Variants in LYRM7 observed in about 807,000 individuals in gnomAD.
The protein encoded by LYRM7 is complex III assembly factor LYRM7.
In LYRM7, 9 loss-of-function variants were observed where a neutral mutation model predicts 15.8. That is an observed-to-expected ratio of 0.57 (90% CI 0.34 to 0.99). LYRM7 has a LOEUF of 0.99. LYRM7 is among the 50% of genes least tolerant of loss of function. LYRM7 has a pLI of 0.02. For missense variants in LYRM7, 115 were observed against 119.1 expected, an observed-to-expected ratio of 0.97 and a Z score of 0.16; for synonymous variants, 39 against 39.4, an observed-to-expected ratio of 0.99 and a Z score of 0.04.
chr5:131,171,167 C>A lies in LYRM7; in HGVS notation c.18+129C>A, dbSNP rs1755514944. The stretch of plus-strand genomic sequence containing the variant: ...TTTATGGAGGATGTGGCTGTTACCC[C>A]AGAGAAGCCAGATGACCAACTCCTA... On this transcript the variant is annotated intron_variant, in intron 1 of 4. Coordinates refer to ENST00000379380, the MANE Select transcript of LYRM7 (RefSeq NM_181705.4). 5 of 962,570 alleles carry A rather than the reference C, an allele frequency of 5.2e-6. No homozygotes were observed. In the African/African-American group the frequency reaches 8.8e-5, roughly 17 times the overall value. 59.6% of individuals were successfully genotyped at this position (962,570 alleles called of 1,614,324 possible). A position where few individuals can be genotyped will look rare whatever the true frequency, so the allele number is the denominator to read the frequency against.
chr5:131,182,135 G>A (rs1403247513), intron 2 of LYRM7, 94 bp from the exon 3 acceptor site: 2 of 1,101,586 alleles, frequency 1.8e-6, no homozygotes, highest in Admixed American at 3.9e-5. Flanking sequence ...CTATAGTAGA[G>A]AAGTAGCCAT....
Position 131,205,148 on chromosome 5 carries a change from C to T in LYRM7, c.*5547C>T, listed in dbSNP as rs1226087705. On this transcript the variant is annotated 3_prime_UTR_variant, in exon 5 of 5. Coordinates refer to ENST00000379380, the MANE Select transcript of LYRM7 (RefSeq NM_181705.4). ...CATAAAATCTTATAAAGCTAAACCC[C>T]ACCCTTCTCTTTCTCCTCTCTCTCC... 6.6e-6 allele frequency: 1 copy of T among 152,230 alleles called. No individual in the cohort carries two copies. The highest frequency in any genetic ancestry group is 1.5e-5 in the Non-Finnish European group (1 of 67,992). The allele number at this position is 152,230 out of a possible 1,614,324, so 9.4% of individuals were successfully genotyped here.
intron 4 of LYRM7, among the ~76,000 whole-genome samples, chr5:131,194,986 G>A (rs983108710): frequency 4.6e-5 from 7 of 152,068 alleles, no homozygotes; most frequent in African/African-American, 1.7e-4. Flanking sequence ...AAAATTGGCC[G>A]GGATCGCTGG....
At chr5:131,197,319 A>T (rs1426024733) in intron 4 of LYRM7, among the ~76,000 whole-genome samples, 1 of 152,220 alleles carries the variant, frequency 6.6e-6, no homozygotes, top group Non-Finnish European at 1.5e-5. Context: ...TAAAATGCAC[A>T]CTACAATTTA....
At chr5:131,177,681 CTG>C (rs1443596171) in intron 1 of LYRM7, among the ~76,000 whole-genome samples, 1 of 152,134 alleles carries the variant, frequency 6.6e-6, no homozygotes. Context: ...TCATGCTGTG[CTG>C]TGTTATGAGT....
In LYRM7 at chr5:131,204,427, A is replaced by G. The variant is rs547757932; in HGVS notation, c.*4826A>G. Reference sequence around the variant, plus strand: ...CAATGAAAGAAAAGGTGGCTTATTTATACTCTGGAATATTTTCCAAGAGTT... The same window carrying G: ...CAATGAAAGAAAAGGTGGCTTATTTGTACTCTGGAATATTTTCCAAGAGTT... On this transcript the variant is annotated 3_prime_UTR_variant, in exon 5 of 5. Transcript: ENST00000379380. 1 of 151,378 alleles carries G rather than the reference A, an allele frequency of 6.6e-6. No individual in the cohort carries two copies. The highest frequency in any genetic ancestry group is 6.6e-5 in the Admixed American group (1 of 15,104). 9.4% of individuals were successfully genotyped at this position (151,378 alleles called of 1,614,324 possible).
intron 4 of LYRM7, among the ~76,000 whole-genome samples, chr5:131,194,763 A>C (rs184789047): frequency 6.6e-6 from 1 of 152,240 alleles, no homozygotes; most frequent in Admixed American, 6.5e-5. Context: ...AGAGAGCAGC[A>C]GTTTTTATCA....
In LYRM7 at chr5:131,182,448, G is replaced by A. The variant is rs1755729596; in HGVS notation, c.162+149G>A. 5 of 749,680 alleles carry A rather than the reference G, an allele frequency of 6.7e-6. No individual in the cohort carries two copies. In the South Asian group the frequency reaches 1.1e-4, roughly 17 times the overall value. 46.4% of individuals were successfully genotyped at this position (749,680 alleles called of 1,614,324 possible). ...TAGATAACCTTCACTTATTTGGTAT[G>A]GCTCACCTCCTCAGGCTCATCTGCC... On this transcript the variant is annotated intron_variant, in intron 3 of 4. Coordinates refer to ENST00000379380, the MANE Select transcript of LYRM7 (RefSeq NM_181705.4).
chr5:131,183,622 A>C (rs1164705472), intron 3 of LYRM7, among the ~76,000 whole-genome samples: 1 of 152,138 alleles, frequency 6.6e-6, no homozygotes, highest in Non-Finnish European at 1.5e-5. Flanking sequence ...CAACTGAAAA[A>C]TATTAAGATT....
At chr5:131,185,685 T>C (rs1240379548) in intron 3 of LYRM7, among the ~76,000 whole-genome samples, 1 of 152,162 alleles carries the variant, frequency 6.6e-6, no homozygotes, top group Admixed American at 6.5e-5. Context: ...CCCAACACTT[T>C]TGGAGGCTGA....
intron 4 of LYRM7, among the ~76,000 whole-genome samples, chr5:131,193,805 T>C (rs990892346): frequency 2.6e-5 from 4 of 152,058 alleles, no homozygotes; most frequent in African/African-American, 7.2e-5. Flanking sequence ...AGGTCAGAAG[T>C]TCAAGACCAG....
chr5:131,171,079 G>A, intron 1 of LYRM7, 41 bp downstream of exon 1: 1 of 1,501,390 alleles, frequency 6.7e-7, no homozygotes, highest in African/African-American at 1.5e-5. Context: ...TGCCGTCGGG[G>A]AGGGTATGTT....
At chr5:131,184,509 T>A (rs1242007167) in intron 3 of LYRM7, among the ~76,000 whole-genome samples, 1 of 152,186 alleles carries the variant, frequency 6.6e-6, no homozygotes, top group Non-Finnish European at 1.5e-5. Context: ...ATTGTGAATA[T>A]TTTTTAATAC....
chr5:131,200,468 A>T lies in LYRM7; in HGVS notation c.*867A>T, dbSNP rs934376055. 3.9e-5 allele frequency: 6 copies of T among 152,368 alleles called. No homozygotes were observed. Among genetic ancestry groups the T allele is most frequent in the African/African-American group, 1.4e-4 (6 of 41,462 alleles). 9.4% of individuals were successfully genotyped at this position (152,368 alleles called of 1,614,324 possible). A position where few individuals can be genotyped will look rare whatever the true frequency, so the allele number is the denominator to read the frequency against. On this transcript the variant is annotated 3_prime_UTR_variant, in exon 5 of 5. Coordinates refer to ENST00000379380, the MANE Select transcript of LYRM7 (RefSeq NM_181705.4). The stretch of plus-strand genomic sequence containing the variant: ...AAAAGGTCCTGGCATTCTACCATCT[A>T]ACACTAGGAACTGTAAAATACTGTT...
chr5:131,186,994 A>G, intron 3 of LYRM7, 34 bp from the exon 4 acceptor site: 3 of 1,208,784 alleles, frequency 2.5e-6, no homozygotes, highest in Non-Finnish European at 3.6e-6. Flanking sequence ...AAACACCTAA[A>G]GGACTTACTC....
At chr5:131,188,739 A>T (rs1008216828) in intron 4 of LYRM7, among the ~76,000 whole-genome samples, 1 of 152,186 alleles carries the variant, frequency 6.6e-6, no homozygotes, top group African/African-American at 2.4e-5. Context: ...AGAAGTTCTT[A>T]ATGTAGTCAT....
At chr5:131,174,545 C>T (rs1435143559) in intron 1 of LYRM7, among the ~76,000 whole-genome samples, 1 of 152,156 alleles carries the variant, frequency 6.6e-6, no homozygotes, top group Non-Finnish European at 1.5e-5. Context: ...CAGCTATAGC[C>T]TTATGAGTCT....
At chr5:131,181,295 A>T (rs1755688695) in intron 2 of LYRM7, among the ~76,000 whole-genome samples, 1 of 42,790 alleles carries the variant, frequency 2.3e-5, no homozygotes, top group African/African-American at 1.5e-4. Flanking sequence ...AAAAAAAAAA[A>T]AAAAAAAATA....
chr5:131,173,815 AC>A (rs1755559506), intron 1 of LYRM7, among the ~76,000 whole-genome samples: 1 of 152,248 alleles, frequency 6.6e-6, no homozygotes, highest in African/African-American at 2.4e-5. Flanking sequence ...TAAAATGCTA[AC>A]AATTATTTGA....
Sources: allele counts gnomAD v4.1 joint callset (sites outside exome capture counted in the v4.1 genomes callset), GRCh38; gene constraint gnomAD v4.1.1; transcripts MANE v1.5; gene names NCBI Gene and HGNC (gene_info 2026-07-23, HGNC 2026-07-21).